Variants in RAB38 observed in about 807,000 individuals in gnomAD.
The protein encoded by RAB38 is RAB38, member RAS oncogene family.
Under a neutral mutation model 18.4 loss-of-function variants are expected in RAB38, and 15 were observed. The ratio of observed to expected loss-of-function variants is 0.82; its 90% CI spans 0.55 to 1.26. The LOEUF is 1.26. RAB38 is among the 50% of genes most tolerant of loss of function. RAB38 has a pLI of 0.00. For synonymous variants in RAB38, 101 were observed against 104.4 expected (o/e 0.97, Z 0.20); for missense variants, 294 against 267.4 (o/e 1.10, Z -0.69).
intron 2 of RAB38, among the ~76,000 whole-genome samples, chr11:88,128,092 A>G (rs1032246584): frequency 1.3e-5 from 2 of 152,242 alleles, no homozygotes; most frequent in Non-Finnish European, 2.9e-5. Context: ...GATATCCATT[A>G]CACCGAATCT....
the RAB38 span, among the ~76,000 whole-genome samples, chr11:87,842,635 C>CA: frequency 6.6e-6 from 1 of 152,140 alleles, no homozygotes; most frequent in African/African-American, 2.4e-5. Flanking sequence ...CACCGCTTAA[C>CA]AAAAATTAAC....
At chr11:87,942,649 T>C in the RAB38 span, among the ~76,000 whole-genome samples, 1 of 152,106 alleles carries the variant, frequency 6.6e-6, no homozygotes, top group South Asian at 2.1e-4. Context: ...GTATTATCAT[T>C]TATAATAGAC....
At chr11:88,097,981 T>C in the RAB38 span, 1 of 151,980 alleles carries the variant, frequency 6.6e-6, no homozygotes, top group Non-Finnish European at 1.5e-5. Context: ...AGTCAGCCTC[T>C]CTAGGAAGCC....
chr11:87,819,774 A>G, the RAB38 span, among the ~76,000 whole-genome samples: 11 of 128,954 alleles, frequency 8.5e-5, no homozygotes, highest in African/African-American at 2.9e-4. Flanking sequence ...ATATGTGTAT[A>G]TATATATATG....
the RAB38 span, among the ~76,000 whole-genome samples, chr11:87,856,102 A>G: frequency 6.6e-6 from 1 of 152,214 alleles, no homozygotes; most frequent in Non-Finnish European, 1.5e-5. Context: ...CATCTGTGGT[A>G]GAGACGGTGC....
chr11:87,937,857 T>A, the RAB38 span, among the ~76,000 whole-genome samples: 1 of 145,386 alleles, frequency 6.9e-6, no homozygotes, highest in Admixed American at 7.2e-5. Context: ...TGTTTGTAAT[T>A]GCTCATTGAA....
At chr11:87,911,128 G>A in the RAB38 span, among the ~76,000 whole-genome samples, 5 of 151,936 alleles carry the variant, frequency 3.3e-5, no homozygotes, top group African/African-American at 1.2e-4. Flanking sequence ...TTCCACTGAA[G>A]GTTGTTTATC....
At chr11:88,025,970 T>C in the RAB38 span, among the ~76,000 whole-genome samples, 602 of 152,188 alleles carry the variant, frequency 4.0e-3, 2 homozygotes, top group African/African-American at 0.014. Context: ...TGGTGTTTCC[T>C]ATGTTTTCTT....
chr11:88,017,112 A>T, the RAB38 span, among the ~76,000 whole-genome samples: 1 of 152,048 alleles, frequency 6.6e-6, no homozygotes, highest in Non-Finnish European at 1.5e-5. Context: ...TTGGTAGGTG[A>T]GAAAATGAAG....
the RAB38 span, among the ~76,000 whole-genome samples, chr11:87,932,291 T>C: frequency 6.6e-6 from 1 of 151,916 alleles, no homozygotes; most frequent in Non-Finnish European, 1.5e-5. Flanking sequence ...TAAAGTAAAA[T>C]TTTTAAAAAA....
intron 1 of RAB38, chr11:88,166,468 C>G (rs959341461): frequency 6.6e-6 from 1 of 152,144 alleles, no homozygotes; most frequent in Non-Finnish European, 1.5e-5. Context: ...CTACCACTAA[C>G]AAGCTCTGTG....
At chr11:87,951,559 G>T in the RAB38 span, among the ~76,000 whole-genome samples, 11 of 152,016 alleles carry the variant, frequency 7.2e-5, no homozygotes, top group Non-Finnish European at 1.3e-4. Flanking sequence ...TGATGGTCAT[G>T]TACAGATGGG....
At chr11:87,948,267 G>C in the RAB38 span, among the ~76,000 whole-genome samples, 2 of 152,206 alleles carry the variant, frequency 1.3e-5, no homozygotes. Flanking sequence ...CTTTGCTGAA[G>C]TTGCTTGTCA....
the RAB38 span, among the ~76,000 whole-genome samples, chr11:87,964,657 T>C: frequency 6.6e-6 from 1 of 152,106 alleles, no homozygotes; most frequent in Non-Finnish European, 1.5e-5. Context: ...TATTACCTGC[T>C]TCCTCCTTCT....
chr11:87,806,031 T>G, the RAB38 span, among the ~76,000 whole-genome samples: 2 of 152,198 alleles, frequency 1.3e-5, no homozygotes, highest in Non-Finnish European at 2.9e-5. Context: ...AGACTGAAGT[T>G]TGACCAAAAA....
intron 1 of RAB38, among the ~76,000 whole-genome samples, chr11:88,162,266 C>A (rs955572947): frequency 6.6e-6 from 1 of 152,082 alleles, no homozygotes; most frequent in Non-Finnish European, 1.5e-5. Flanking sequence ...AAATTAATTA[C>A]CATTTTTCCA....
the RAB38 span, among the ~76,000 whole-genome samples, chr11:88,069,313 C>T: frequency 1.3e-5 from 2 of 152,198 alleles, no homozygotes; most frequent in African/African-American, 4.8e-5. Flanking sequence ...GACCTGCAGC[C>T]CGCCATGCCG....
the RAB38 span, among the ~76,000 whole-genome samples, chr11:87,944,671 T>C: frequency 6.0e-4 from 92 of 152,272 alleles, 1 homozygote; most frequent in Admixed American, 6.0e-3. Context: ...AAACAGTCTT[T>C]TCTACTCTAT....
At chr11:88,030,681 G>A in the RAB38 span, among the ~76,000 whole-genome samples, 2 of 152,178 alleles carry the variant, frequency 1.3e-5, no homozygotes, top group Admixed American at 6.5e-5. Flanking sequence ...AAACCAGGAA[G>A]AAGTTGAATC....
Sources: gnomAD v4.1 joint callset for allele counts (sites outside exome capture counted in the v4.1 genomes callset) on GRCh38, gnomAD v4.1.1 for gene constraint, MANE v1.5 for transcripts, NCBI Gene and HGNC (gene_info 2026-07-23, HGNC 2026-07-21) for gene names.